The following ADAMTS16 variants were observed in gnomAD, a reference collection of about 807,000 sequenced individuals.
The protein encoded by ADAMTS16 is A disintegrin and metalloproteinase with thrombospondin motifs 16.
A neutral mutation model predicts 145.8 loss-of-function variants in ADAMTS16; 94 were observed. The observed-to-expected ratio is 0.64, with a 90% CI of 0.55 to 0.77. ADAMTS16 has a LOEUF of 0.77. ADAMTS16 is among the 30% of genes least tolerant of loss of function. ADAMTS16 has a pLI of 0.00. For missense variants in ADAMTS16, 1,585 were observed against 1,591.5 expected (o/e 1.00, Z 0.07); for synonymous variants, 659 against 604.3 (o/e 1.09, Z -1.33).
chr5:5,286,177 T>G (rs1209318120), intron 18 of ADAMTS16, among the ~76,000 whole-genome samples: 1 of 152,212 alleles, frequency 6.6e-6, no homozygotes, highest in Non-Finnish European at 1.5e-5. Flanking sequence ...TACCCCCAAC[T>G]CATTGTAACA....
chr5:5,283,125 C>T (rs969421293), intron 18 of ADAMTS16, among the ~76,000 whole-genome samples: 32 of 152,134 alleles, frequency 2.1e-4, no homozygotes, highest in African/African-American at 6.5e-4. Flanking sequence ...CTTATTTACC[C>T]CTGCCCTTAG....
At chr5:5,199,973 A>G (rs1487185339) in intron 8 of ADAMTS16, among the ~76,000 whole-genome samples, 159 bp from the exon 9 acceptor site, 1 of 152,202 alleles carries the variant, frequency 6.6e-6, no homozygotes, top group Non-Finnish European at 1.5e-5. Flanking sequence ...ATACGTGAAT[A>G]TTCTTAACCA....
chr5:5,233,152 A>C (rs36037750), intron 12 of ADAMTS16, among the ~76,000 whole-genome samples: 461 of 152,324 alleles, frequency 3.0e-3, no homozygotes, highest in Middle Eastern at 0.027. Flanking sequence ...AGTGTATAGA[A>C]TACAAATAAA....
chr5:5,253,895 C>T (rs1737704111), intron 17 of ADAMTS16, among the ~76,000 whole-genome samples: 1 of 152,170 alleles, frequency 6.6e-6, no homozygotes, highest in Non-Finnish European at 1.5e-5. Context: ...CAGGGCCCTC[C>T]TTTCTTTGTA....
chr5:5,215,866 A>ATG (rs1299495343), intron 10 of ADAMTS16, among the ~76,000 whole-genome samples: 3,197 of 49,510 alleles, frequency 0.065, 60 homozygotes, highest in East Asian at 0.12. Flanking sequence ...TGTGGTGTGT[A>ATG]TGTGTATATA....
chr5:5,244,098 C>A (rs900451583), intron 17 of ADAMTS16, among the ~76,000 whole-genome samples: 1 of 152,178 alleles, frequency 6.6e-6, no homozygotes. Flanking sequence ...TGCTCTGCAG[C>A]CTTCCTTGTA....
chr5:5,302,389 T>C (rs753920110), intron 18 of ADAMTS16, among the ~76,000 whole-genome samples: 5 of 152,198 alleles, frequency 3.3e-5, no homozygotes, highest in Admixed American at 2.0e-4. Flanking sequence ...GAAGAATGCC[T>C]GATAACTTAC....
intron 11 of ADAMTS16, among the ~76,000 whole-genome samples, chr5:5,227,505 CTGTG>C (rs55875918): frequency 0.032 from 4,721 of 148,364 alleles, 90 homozygotes; most frequent in Non-Finnish European, 0.042. Flanking sequence ...AGATCTAATA[CTGTG>C]TGTGTGTGTG....
At chr5:5,157,013 T>A (rs539398075) in intron 3 of ADAMTS16, among the ~76,000 whole-genome samples, 1 of 152,210 alleles carries the variant, frequency 6.6e-6, no homozygotes, top group Non-Finnish European at 1.5e-5. Context: ...ATTCCAGGCA[T>A]GGATCATTTT....
chr5:5,190,570 G>A (rs1183913439), intron 7 of ADAMTS16, among the ~76,000 whole-genome samples: 1 of 151,916 alleles, frequency 6.6e-6, no homozygotes, highest in Non-Finnish European at 1.5e-5. Context: ...ACATTTACGG[G>A]GCTGGGTGTG....
chr5:5,241,155 AG>A (rs1265236976), intron 16 of ADAMTS16, among the ~76,000 whole-genome samples: 4 of 151,276 alleles, frequency 2.6e-5, no homozygotes, highest in African/African-American at 9.7e-5. Flanking sequence ...CACTCAGGGG[AG>A]GGTGAGGATC....
Position 5,319,677 on chromosome 5 carries a change from A to T in ADAMTS16, c.*539A>T. 1 of 353,458 alleles carries T rather than the reference A, an allele frequency of 2.8e-6. No homozygotes were observed. Among genetic ancestry groups the T allele is most frequent in the Non-Finnish European group, 5.5e-6 (1 of 182,986 alleles). The allele number at this position is 353,458 out of a possible 1,614,324, so 21.9% of individuals were successfully genotyped here. A position where few individuals can be genotyped will look rare whatever the true frequency, so the allele number is the denominator to read the frequency against. Reference sequence around the variant, plus strand: ...GCCCAGGCTCCTCCTCCTCCTCCCCAGCGGCCGAGCATCTCTTACCAGGAA... The same window carrying T: ...GCCCAGGCTCCTCCTCCTCCTCCCCTGCGGCCGAGCATCTCTTACCAGGAA... On this transcript the variant is annotated 3_prime_UTR_variant, in exon 23 of 23. Coordinates refer to ENST00000274181, the MANE Select transcript of ADAMTS16 (RefSeq NM_139056.4).
At chr5:5,285,103 C>T (rs908132823) in intron 18 of ADAMTS16, among the ~76,000 whole-genome samples, 4 of 152,080 alleles carry the variant, frequency 2.6e-5, no homozygotes, top group African/African-American at 9.7e-5. Flanking sequence ...CCAAAATGAC[C>T]ACCATGATGT....
At chr5:5,278,295 C>G (rs545415099) in intron 18 of ADAMTS16, among the ~76,000 whole-genome samples, 1 of 152,128 alleles carries the variant, frequency 6.6e-6, no homozygotes, top group Non-Finnish European at 1.5e-5. Flanking sequence ...GCATGATAGC[C>G]GGTTTCTATT....
At chr5:5,167,247 C>A (rs780701160) in intron 3 of ADAMTS16, among the ~76,000 whole-genome samples, 26 of 152,140 alleles carry the variant, frequency 1.7e-4, no homozygotes, top group South Asian at 4.1e-4. Context: ...TAGTAGAGTG[C>A]CTGTCTCATA....
In ADAMTS16 at chr5:5,206,425, CA is replaced by C. The variant is rs1173829992; in HGVS notation, c.1452-2646del. Among the ~76,000 whole-genome samples the C allele has an allele frequency of 6.1e-3, 241 of 39,420 alleles. 1 individual carries two copies. The highest frequency in any genetic ancestry group is 0.023 in the African/African-American group (193 of 8,510). The allele number at this position is 39,420 out of a possible 152,430, so 25.9% of individuals were successfully genotyped here. ...TGGGCGACAGAGCGAGACTCCGTCT[CA>C]AAAAAAAAAAAAAAAAAAAAAGATC... On this transcript the variant is annotated intron_variant, in intron 9 of 22. Transcript: ENST00000274181.
chr5:5,147,491 G>T (rs1734334640), intron 3 of ADAMTS16, among the ~76,000 whole-genome samples: 1 of 152,120 alleles, frequency 6.6e-6, no homozygotes, highest in Non-Finnish European at 1.5e-5. Context: ...CTAAATATAT[G>T]CAAATGCTAA....
intron 10 of ADAMTS16, among the ~76,000 whole-genome samples, chr5:5,215,750 T>TATATATATATGTG (rs1736408091): frequency 2.1e-5 from 3 of 144,902 alleles, no homozygotes; most frequent in South Asian, 2.1e-4. Flanking sequence ...ATATATGTGG[T>TATATATATATGTG]GTATATATAT....
At chr5:5,180,531 C>T (rs1487378302) in intron 3 of ADAMTS16, among the ~76,000 whole-genome samples, 2 of 152,280 alleles carry the variant, frequency 1.3e-5, no homozygotes, top group African/African-American at 4.8e-5. Context: ...CAACTTTCTC[C>T]TCCTGAAGAG....
Sources: gnomAD v4.1 joint callset for allele counts (sites outside exome capture counted in the v4.1 genomes callset) on GRCh38, gnomAD v4.1.1 for gene constraint, MANE v1.5 for transcripts, NCBI Gene and HGNC (gene_info 2026-07-23, HGNC 2026-07-21) for gene names.